The following C4orf51 variants were observed in gnomAD, a reference collection of about 807,000 sequenced individuals.
The protein encoded by C4orf51 is chromosome 4 open reading frame 51.
Under a neutral mutation model 25.2 loss-of-function variants are expected in C4orf51, and 25 were observed. The observed-to-expected ratio is 0.99, with a 90% CI of 0.72 to 1.39. The LOEUF is 1.39. Among genes scored for constraint, C4orf51 ranks in the 40% most tolerant of loss-of-function variants. C4orf51 has a pLI of 0.00. For synonymous variants in C4orf51, 100 were observed against 84.5 expected, an observed-to-expected ratio of 1.18 and a Z score of -1.01; for missense variants, 252 against 239.6, an observed-to-expected ratio of 1.05 and a Z score of -0.34.
At chr4:145,752,382 A>G (rs1733719573) in intron 1 of C4orf51, among the ~76,000 whole-genome samples, 1 of 152,134 alleles carries the variant, frequency 6.6e-6, no homozygotes, top group Non-Finnish European at 1.5e-5. Context: ...GTTGCCAGGA[A>G]TGGCTCCCTC....
At chr4:145,699,004 A>T (rs35867487) in intron 2 of C4orf51, among the ~76,000 whole-genome samples, 30,530 of 151,164 alleles carry the variant, frequency 0.2, 3,247 homozygotes, top group South Asian at 0.26. Context: ...AACTGATGAC[A>T]TTACCTTGTG....
intron 2 of C4orf51, among the ~76,000 whole-genome samples, chr4:145,700,518 A>G (rs1395982242): frequency 6.6e-6 from 1 of 151,994 alleles, no homozygotes; most frequent in Non-Finnish European, 1.5e-5. Context: ...CCCAGTACAA[A>G]CTCAACAGTA....
At chr4:145,756,972 CA>C (rs1232769775), downstream of C4orf51, among the ~76,000 whole-genome samples, 1 of 152,172 alleles carries the variant, frequency 6.6e-6, no homozygotes, top group Non-Finnish European at 1.5e-5. Context: ...ACAAACCAGG[CA>C]AAACAGTCTC....
chr4:145,732,549 C>A lies in C4orf51; in HGVS notation c.598C>A (p.Pro200Thr), dbSNP rs199561648. Residue 200 changes from proline (P) to threonine (T), a missense_variant, in exon 6 of 6, where the codon CCA becomes ACA. Transcript: ENST00000438731. ...SDYGWGGPSS[P>T]FN ...TTATGGCTGGGGAGGACCCTCATCG[C>A]CATTTAACTGAGTTGGAAAATGAAG... 2.2e-5 allele frequency: 35 copies of A among 1,606,660 alleles called. No homozygotes were observed. The highest frequency in any genetic ancestry group is 5.1e-6 in the Non-Finnish European group (6 of 1,176,716).
Position 145,761,022 on chromosome 4 carries a change from G to A in C4orf51, n.167-9966G>A, listed in dbSNP as rs1273674056. The stretch of plus-strand genomic sequence containing the variant: ...GTGCCAGGTTGGGCTCTGAGCTGCT[G>A]CCGTGGGCTGCCGACAGGGCCACGG... On this transcript the variant is annotated intron_variant and non_coding_transcript_variant, in intron 1 of 1. Coordinates refer to the C4orf51 transcript ENST00000510096. This position sits in a 1 kb window ranked among gnomAD's most constrained non-coding sequence, Gnocchi z 6.8. 2 of 1,281,234 alleles carry A rather than the reference G, an allele frequency of 1.6e-6. No homozygotes were observed. Among genetic ancestry groups the A allele is most frequent in the Non-Finnish European group, 1.0e-6 (1 of 983,366 alleles). The allele number at this position is 1,281,234 out of a possible 1,614,324, so 79.4% of individuals were successfully genotyped here. A position where few individuals can be genotyped will look rare whatever the true frequency, so the allele number is the denominator to read the frequency against.
chr4:145,715,142 C>T (rs1731339399), intron 2 of C4orf51, among the ~76,000 whole-genome samples: 1 of 152,122 alleles, frequency 6.6e-6, no homozygotes, highest in Non-Finnish European at 1.5e-5. Flanking sequence ...GCATGTGGGG[C>T]ATTGGGTGTA....
chr4:145,789,486 CAT>C, the C4orf51 span, among the ~76,000 whole-genome samples: 1 of 152,178 alleles, frequency 6.6e-6, no homozygotes, highest in Non-Finnish European at 1.5e-5. Context: ...ATTTTACACA[CAT>C]ATTTAATATT....
rs34220160 is a variant in C4orf51, at chr4:145,697,100, A to AT, written c.307+485dup. ...CAAAAACAGACCTACTCTCTTAGCA[A>AT]TTTTTTTTTTTTTTTTTGAGAAAGG... On this transcript the variant is annotated intron_variant, in intron 2 of 5. Transcript: ENST00000438731. Among the ~76,000 whole-genome samples the AT allele has an allele frequency of 1.5e-3, 216 of 139,366 alleles. 1 individual carries two copies. Among genetic ancestry groups the AT allele is most frequent in the South Asian group, 2.9e-3 (12 of 4,196 alleles). 91.4% of individuals were successfully genotyped at this position (139,366 alleles called of 152,430 possible). A position where few individuals can be genotyped will look rare whatever the true frequency, so the allele number is the denominator to read the frequency against.
chr4:145,694,004 G>A (rs1285533884), intron 1 of C4orf51, among the ~76,000 whole-genome samples: 19 of 116,266 alleles, frequency 1.6e-4, no homozygotes, highest in African/African-American at 4.0e-4. Context: ...GCTGCCGGGC[G>A]GAGGGGCTCC....
intron 2 of C4orf51, among the ~76,000 whole-genome samples, chr4:145,710,488 G>A (rs778744512): frequency 6.6e-6 from 1 of 152,186 alleles, no homozygotes; most frequent in Non-Finnish European, 1.5e-5. Context: ...AGGGGAGCAT[G>A]CACAGTGTGT....
the C4orf51 span, among the ~76,000 whole-genome samples, chr4:145,778,480 C>T: frequency 4.6e-5 from 7 of 152,130 alleles, no homozygotes; most frequent in South Asian, 4.2e-4. Flanking sequence ...ATAGTGGCAG[C>T]GTGCACCTGT....
chr4:145,726,475 C>G (rs1732064044), intron 2 of C4orf51, among the ~76,000 whole-genome samples: 2 of 152,212 alleles, frequency 1.3e-5, no homozygotes, highest in Admixed American at 1.3e-4. Context: ...AATCATGGCT[C>G]ACTGCATCTT....
At chr4:145,681,768 A>C (rs1482245671) in intron 1 of C4orf51, among the ~76,000 whole-genome samples, 3 of 152,222 alleles carry the variant, frequency 2.0e-5, no homozygotes, top group Non-Finnish European at 4.4e-5. Context: ...CTTGCTTTAT[A>C]AACAGCCTCC....
downstream of C4orf51, among the ~76,000 whole-genome samples, chr4:145,772,125 C>A (rs181970447): frequency 1.3e-5 from 2 of 152,290 alleles, no homozygotes; most frequent in East Asian, 3.9e-4. Flanking sequence ...AAGGTTCAAG[C>A]AAGGGCCACA....
chr4:145,747,885 C>T (rs1246865757), intron 1 of C4orf51, among the ~76,000 whole-genome samples: 1 of 151,480 alleles, frequency 6.6e-6, no homozygotes, highest in South Asian at 2.1e-4. Flanking sequence ...TAATACTGAC[C>T]TCTTAGAATG....
rs200784292 is a variant in C4orf51, at chr4:145,729,152, A to C, written c.367-17A>C. 116 of 1,547,974 alleles carry C rather than the reference A, an allele frequency of 7.5e-5. 1 individual carries two copies. Among genetic ancestry groups the C allele is most frequent in the Non-Finnish European group, 9.0e-5 (101 of 1,123,468 alleles). On this transcript the variant is annotated splice_polypyrimidine_tract_variant and intron_variant, in intron 3 of 5. Transcript: ENST00000438731. The stretch of plus-strand genomic sequence containing the variant: ...ATGAAAGTGGTTGGTATTTATTTCT[A>C]TCTCTCCTTTTTATAGGCACATCAA...
intron 1 of C4orf51, among the ~76,000 whole-genome samples, chr4:145,693,478 C>T (rs1729750328): frequency 6.6e-6 from 1 of 152,168 alleles, no homozygotes; most frequent in African/African-American, 2.4e-5. Context: ...ATCTTTTCCC[C>T]ACCTTTCCCG....
chr4:145,693,707 G>A (rs1405043575), intron 1 of C4orf51, among the ~76,000 whole-genome samples: 1 of 83,064 alleles, frequency 1.2e-5, no homozygotes, highest in Non-Finnish European at 2.3e-5. Context: ...CTGGCCGGAC[G>A]GGGGGCTGAC....
chr4:145,731,172 G>A (rs1204123732), intron 5 of C4orf51, among the ~76,000 whole-genome samples: 1 of 152,168 alleles, frequency 6.6e-6, no homozygotes, highest in East Asian at 1.9e-4. Flanking sequence ...GGCCTCTTGG[G>A]AGTTGCTTGG....
Sources: allele counts gnomAD v4.1 joint callset (sites outside exome capture counted in the v4.1 genomes callset), GRCh38; gene constraint gnomAD v4.1.1; non-coding constraint Gnocchi (gnomAD v3.1); transcripts MANE v1.5; gene names NCBI Gene and HGNC (gene_info 2026-07-23, HGNC 2026-07-21).